The following NEK1 variants were observed in gnomAD, a reference collection of about 807,000 sequenced individuals.
NEK1 encodes the protein serine/threonine-protein kinase Nek1.
NEK1 carries 137 observed loss-of-function variants against 182.1 expected under a neutral mutation model. The observed-to-expected ratio is 0.75, with a 90% confidence interval of 0.65 to 0.87. The LOEUF is 0.87. NEK1 is among the 40% of genes least tolerant of loss of function. NEK1 has a pLI of 0.00. For synonymous variants in NEK1, 513 were observed against 492.2 expected (o/e 1.04, Z -0.56); for missense variants, 1,391 against 1,494.4 (o/e 0.93, Z 1.14).
intron 24 of NEK1, among the ~76,000 whole-genome samples, chr4:169,478,623 A>C (rs560669023): frequency 1.3e-5 from 2 of 152,178 alleles, no homozygotes; most frequent in Non-Finnish European, 2.9e-5. Context: ...TATAAAAAAA[A>C]ACAGCTAGTG....
At chr4:169,536,537 G>C (rs1176391334) in intron 19 of NEK1, among the ~76,000 whole-genome samples, 1 of 151,902 alleles carries the variant, frequency 6.6e-6, no homozygotes, top group African/African-American at 2.4e-5. Flanking sequence ...ACATACAAAT[G>C]CTAATCAAAT....
chr4:169,568,845 G>T (rs1013877463), intron 12 of NEK1, among the ~76,000 whole-genome samples: 1 of 151,312 alleles, frequency 6.6e-6, no homozygotes, highest in Non-Finnish European at 1.5e-5. Flanking sequence ...GCTGAGGCAG[G>T]AGAATTGCCT....
chr4:169,496,957 T>C lies in NEK1; in HGVS notation c.2007+10080A>G, dbSNP rs184271769. Among the ~76,000 whole-genome samples, 547 of 152,352 alleles carry C rather than the reference T, an allele frequency of 3.6e-3. 3 individuals carry two copies. The highest frequency in any genetic ancestry group is 0.022 in the South Asian group (105 of 4,832). ...GAGGATTCCCTCTTTTTCTATTGAT[T>C]GGAATAGTTTCAGAAGGAATGGTAA... On this transcript the variant is annotated intron_variant, in intron 23 of 35. Coordinates refer to ENST00000507142, the MANE Select transcript of NEK1 (RefSeq NM_001199397.3).
intron 19 of NEK1, among the ~76,000 whole-genome samples, chr4:169,535,472 T>C (rs1190039656): frequency 2.0e-5 from 3 of 147,468 alleles, no homozygotes; most frequent in Non-Finnish European, 4.5e-5. Context: ...AAAAAAAGAC[T>C]GAACAAAATA....
In NEK1 at chr4:169,545,678, G is replaced by A. The variant is rs558222647; in HGVS notation, c.1563-7767C>T. On this transcript the variant is annotated intron_variant, in intron 18 of 35. Transcript: ENST00000507142. The stretch of plus-strand genomic sequence containing the variant: ...TTACAGTCCCACCAACAGTGTAAAA[G>A]TGTTCCTATTTCTCCACATCCTCTC... 2.7e-5 allele frequency among the ~76,000 whole-genome samples: 4 copies of A among 150,346 alleles called. No homozygotes were observed. In the South Asian group the frequency reaches 8.6e-4, roughly 32 times the overall value.
At position 169,543,269 on chromosome 4, in the gene NEK1, C is replaced by T. The variant is rs114967134; in HGVS notation, c.1563-5358G>A. ...AATCCTTTCCCCACCACTTGTTTAT[C>T]GGGTTTGTTAAAGAGCAGATGGTTG... On this transcript the variant is annotated intron_variant, in intron 18 of 35. Transcript: ENST00000507142. Among the ~76,000 whole-genome samples, 938 of 152,078 alleles carry T rather than the reference C, an allele frequency of 6.2e-3. 11 individuals are homozygous for T. The highest frequency in any genetic ancestry group is 0.028 in the East Asian group (143 of 5,174).
chr4:169,440,620 C>T (rs1266477047), intron 27 of NEK1, among the ~76,000 whole-genome samples: 1 of 152,134 alleles, frequency 6.6e-6, no homozygotes. Flanking sequence ...ACCTCTGAGG[C>T]ATGGAAGGAG....
chr4:169,413,578 T>A (rs780818271), intron 31 of NEK1, among the ~76,000 whole-genome samples: 18 of 152,164 alleles, frequency 1.2e-4, no homozygotes, highest in Non-Finnish European at 2.2e-4. Context: ...AGTACAAATT[T>A]AAATGACCTT....
intron 12 of NEK1, among the ~76,000 whole-genome samples, chr4:169,573,153 C>T (rs1052754101): frequency 1.3e-5 from 2 of 152,104 alleles, no homozygotes; most frequent in Non-Finnish European, 2.9e-5. Flanking sequence ...TGAGTTGATC[C>T]TAACTGGGAA....
chr4:169,482,287 T>G (rs1277096767), intron 23 of NEK1, among the ~76,000 whole-genome samples: 1 of 152,144 alleles, frequency 6.6e-6, no homozygotes. Flanking sequence ...TTTGCTTTCT[T>G]TCTTTCTTTT....
chr4:169,480,948 G>C (rs1747887431), intron 23 of NEK1, among the ~76,000 whole-genome samples: 1 of 152,128 alleles, frequency 6.6e-6, no homozygotes. Flanking sequence ...TTCAAAACTG[G>C]AGTCAGTCAT....
At chr4:169,589,315 A>C in intron 7 of NEK1, 132 bp downstream of exon 7, 1 of 659,656 alleles carries the variant, frequency 1.5e-6, no homozygotes. Flanking sequence ...CTTTCTCAGA[A>C]CATGTCCCAA....
Position 169,401,716 on chromosome 4 carries a change from T to G in NEK1, c.3519A>C (p.Thr1173=). 2 of 1,613,990 alleles carry G rather than the reference T, an allele frequency of 1.2e-6. No homozygotes were observed. The highest frequency in any genetic ancestry group is 1.1e-5 in the South Asian group (1 of 91,078). Residue 1173 remains threonine (T), a synonymous_variant, in exon 33 of 36, where the codon ACA becomes ACC. Coordinates refer to ENST00000507142, the MANE Select transcript of NEK1 (RefSeq NM_001199397.3). ...NSDVEPTANG[T]DVADEDDNPS... ...GATTGTCATCTTCATCTGCCACATC[T>G]GTCCCATTTGCAGTTGGCTCCACAT... is the stretch of plus-strand genomic sequence containing the variant.
chr4:169,423,233 G>A (rs1159206068), intron 31 of NEK1, among the ~76,000 whole-genome samples: 1 of 152,088 alleles, frequency 6.6e-6, no homozygotes, highest in Non-Finnish European at 1.5e-5. Context: ...CTCCCAAATA[G>A]CTGGGATTAC....
At chr4:169,562,103 A>C in intron 13 of NEK1, 34 bp downstream of exon 13, 1 of 1,431,902 alleles carries the variant, frequency 7.0e-7, no homozygotes, top group Non-Finnish European at 9.5e-7. Context: ...TATGTTTGCA[A>C]AGCTTTAAAA....
In NEK1 at chr4:169,460,997, G is replaced by T. The variant is rs1743866276; in HGVS notation, c.2587+2246C>A. Among the ~76,000 whole-genome samples the T allele has an allele frequency of 3.3e-5, 5 of 152,210 alleles. No individual in the cohort carries two copies. The South Asian group carries it at 1.0e-3, about 32-fold the overall frequency. ...CTAAGGAGACACTGACATAAGAATT[G>T]GAAGACTAAAATAAAGAACACCAAG... On this transcript the variant is annotated intron_variant, in intron 27 of 35. Transcript: ENST00000507142.
At chr4:169,552,693 C>T (rs1001227167) in intron 18 of NEK1, among the ~76,000 whole-genome samples, 4 of 151,958 alleles carry the variant, frequency 2.6e-5, no homozygotes, top group African/African-American at 9.7e-5. Context: ...GTAGAAAATT[C>T]AAAAGAAACA....
Position 169,499,781 on chromosome 4 carries a change from C to T in NEK1, c.2007+7256G>A, listed in dbSNP as rs137902182. On this transcript the variant is annotated intron_variant, in intron 23 of 35. Transcript: ENST00000507142. ...TGGAAGTTTTGTCTCAGAGGAGTAC[C>T]AGGCTGTGTGAGGTGTCAGTCTGCC... is the stretch of plus-strand genomic sequence containing the variant. 8.9e-3 allele frequency among the ~76,000 whole-genome samples: 1,363 copies of T among 152,292 alleles called. 19 individuals are homozygous for T. Among genetic ancestry groups the T allele is most frequent in the African/African-American group, 0.03 (1,244 of 41,548 alleles).
intron 23 of NEK1, among the ~76,000 whole-genome samples, chr4:169,499,372 T>C (rs567629270): frequency 6.6e-6 from 1 of 152,162 alleles, no homozygotes; most frequent in Non-Finnish European, 1.5e-5. Context: ...AAGGTGTAGT[T>C]TGATCATCTG....
Sources: allele counts gnomAD v4.1 joint callset (sites outside exome capture counted in the v4.1 genomes callset), GRCh38; gene constraint gnomAD v4.1.1; transcripts MANE v1.5; gene names NCBI Gene and HGNC (gene_info 2026-07-23, HGNC 2026-07-21).